Variants in AAGAB observed in about 807,000 individuals in gnomAD.
The protein encoded by AAGAB is alpha- and gamma-adaptin-binding protein p34.
A neutral mutation model predicts 44.1 loss-of-function variants in AAGAB; 38 were observed. The ratio of observed to expected loss-of-function variants is 0.86; its 90% CI spans 0.67 to 1.13. The LOEUF (loss-of-function observed/expected upper bound fraction) is 1.13. Ranked by LOEUF, AAGAB falls within the 50% of genes most tolerant of loss-of-function variation. AAGAB has a pLI of 0.00. For missense variants in AAGAB, 450 were observed against 373.8 expected (o/e 1.20, Z -1.68); for synonymous variants, 131 against 131.8 (o/e 0.99, Z 0.04).
At chr15:67,210,511 G>A (rs1041169907) in intron 5 of AAGAB, among the ~76,000 whole-genome samples, 14 of 147,572 alleles carry the variant, frequency 9.5e-5, no homozygotes, top group African/African-American at 2.5e-4. Flanking sequence ...GTGAGGCTCC[G>A]TCTCAAAAAA....
intron 5 of AAGAB, among the ~76,000 whole-genome samples, chr15:67,230,384 G>T (rs1964308079): frequency 1.3e-5 from 2 of 152,112 alleles, no homozygotes; most frequent in African/African-American, 2.4e-5. Context: ...TTAAGATGAG[G>T]TCATACTGCA....
At chr15:67,254,982 C>T, upstream of AAGAB, 2 of 1,599,454 alleles carry the variant, frequency 1.3e-6, no homozygotes, top group Non-Finnish European at 1.7e-6. Flanking sequence ...CTGCCCTGCC[C>T]AGCCGCGCCA....
At chr15:67,204,006 CAACATGGG>C in intron 8 of AAGAB, 30 bp downstream of exon 8, 1 of 1,271,308 alleles carries the variant, frequency 7.9e-7, no homozygotes, top group Non-Finnish European at 1.1e-6. Flanking sequence ...AGACAAGCAT[CAACATGGG>C]AACATATTAG....
chr15:67,228,564 G>A (rs8032898), intron 5 of AAGAB, among the ~76,000 whole-genome samples: 68,420 of 152,062 alleles, frequency 0.45, 15,885 homozygotes, highest in Non-Finnish European at 0.52. Flanking sequence ...AAAGCAGTTT[G>A]GAGACTTCTC....
At chr15:67,217,026 A>G (rs1366206223) in intron 5 of AAGAB, among the ~76,000 whole-genome samples, 1 of 151,864 alleles carries the variant, frequency 6.6e-6, no homozygotes, top group Non-Finnish European at 1.5e-5. Context: ...TTACAAGACA[A>G]TCTCCTCCAT....
intron 4 of AAGAB, among the ~76,000 whole-genome samples, chr15:67,234,915 A>G (rs1256197204): frequency 6.6e-6 from 1 of 152,250 alleles, no homozygotes; most frequent in Non-Finnish European, 1.5e-5. Flanking sequence ...CTTCTTCTCC[A>G]GCAGGTTTTA....
chr15:67,252,210 C>T (rs569077785), intron 1 of AAGAB, among the ~76,000 whole-genome samples: 1 of 152,248 alleles, frequency 6.6e-6, no homozygotes, highest in South Asian at 2.1e-4. Context: ...CCATGTTTGC[C>T]GATTGGGATC....
chr15:67,224,248 T>C (rs1964148511), intron 5 of AAGAB, among the ~76,000 whole-genome samples: 1 of 152,200 alleles, frequency 6.6e-6, no homozygotes, highest in Non-Finnish European at 1.5e-5. Flanking sequence ...TTTGTATGAA[T>C]GAATCAACAC....
intron 7 of AAGAB, among the ~76,000 whole-genome samples, chr15:67,205,094 T>C (rs1441305818): frequency 6.6e-6 from 1 of 152,242 alleles, no homozygotes; most frequent in Non-Finnish European, 1.5e-5. Context: ...AGGAAACTAA[T>C]GCCAACAGAG....
intron 1 of AAGAB, among the ~76,000 whole-genome samples, chr15:67,238,186 A>AT (rs1964514305): frequency 6.6e-6 from 1 of 152,200 alleles, no homozygotes; most frequent in South Asian, 2.1e-4. Context: ...AACTTTTAAA[A>AT]TTTTTTCACC....
At chr15:67,211,878 C>A (rs944487630) in intron 5 of AAGAB, among the ~76,000 whole-genome samples, 1 of 138,244 alleles carries the variant, frequency 7.2e-6, no homozygotes, top group Non-Finnish European at 1.6e-5. Context: ...ATTTGAAATG[C>A]CTAATTCTTT....
In AAGAB at chr15:67,251,445, T is replaced by C. The variant is rs183530450; in HGVS notation, c.73+3114A>G. 5.9e-3 allele frequency among the ~76,000 whole-genome samples: 902 copies of C among 152,212 alleles called. 10 individuals carry two copies. Among genetic ancestry groups the C allele is most frequent in the African/African-American group, 0.021 (868 of 41,512 alleles). ...ATTTTTATTTTTATTTTGTAGAGACTAGGTCTCCCTATGTTGCCCAGGCTG... is the reference window on the plus strand; with the variant it reads ...ATTTTTATTTTTATTTTGTAGAGACCAGGTCTCCCTATGTTGCCCAGGCTG... On this transcript the variant is annotated intron_variant, in intron 1 of 9. Transcript: ENST00000261880.
At chr15:67,215,754 G>A (rs1181980072) in intron 5 of AAGAB, among the ~76,000 whole-genome samples, 2 of 152,106 alleles carry the variant, frequency 1.3e-5, no homozygotes, top group Non-Finnish European at 2.9e-5. Flanking sequence ...TAGCATCAGA[G>A]AAATAAACTT....
At chr15:67,223,478 A>C (rs1342707021) in intron 5 of AAGAB, among the ~76,000 whole-genome samples, 1 of 152,104 alleles carries the variant, frequency 6.6e-6, no homozygotes, top group Non-Finnish European at 1.5e-5. Flanking sequence ...CTCATATCTC[A>C]TATCTAAACT....
At chr15:67,234,086 CAAAAA>C (rs34634730) in intron 4 of AAGAB, among the ~76,000 whole-genome samples, 9 of 116,250 alleles carry the variant, frequency 7.7e-5, no homozygotes, top group African/African-American at 1.7e-4. Flanking sequence ...ACTAAAAATA[CAAAAA>C]AAAAAAAAAA....
chr15:67,231,793 C>T (rs1216984698), intron 5 of AAGAB, 21 bp downstream of exon 5: 1 of 1,581,738 alleles, frequency 6.3e-7, no homozygotes, highest in Non-Finnish European at 8.7e-7. Flanking sequence ...AAAAAAATGA[C>T]TTGAGTCCCA....
chr15:67,222,834 T>A (rs1249460534), intron 5 of AAGAB, among the ~76,000 whole-genome samples: 1 of 152,192 alleles, frequency 6.6e-6, no homozygotes, highest in Non-Finnish European at 1.5e-5. Flanking sequence ...CTCACCTATT[T>A]CTTTGCTCCC....
At chr15:67,232,560 GA>G in intron 4 of AAGAB, 1 of 404,922 alleles carries the variant, frequency 2.5e-6, no homozygotes, top group South Asian at 2.1e-5. Flanking sequence ...ACCTAAGAGA[GA>G]AATTCGGGAA....
In AAGAB at chr15:67,203,587, C is replaced by G; in HGVS notation, c.831G>C (p.Ala277=). 6.2e-7 allele frequency: 1 copy of G among 1,613,550 alleles called. No homozygotes were observed. Among genetic ancestry groups the G allele is most frequent in the Non-Finnish European group, 8.5e-7 (1 of 1,179,792 alleles). ...SKLKEMKDKA[A]TLPHEQRKVH... ...CTTTTCTTTGCTCATGAGGAAGCGT[C>G]GCAGCCTTGTCTAGGGGGAAAATAT... Residue 277 remains alanine, a synonymous_variant, in exon 9 of 10, where the codon GCG becomes GCC. Coordinates refer to ENST00000261880, the MANE Select transcript of AAGAB (RefSeq NM_024666.5).
Sources: gnomAD v4.1 joint callset for allele counts (sites outside exome capture counted in the v4.1 genomes callset) on GRCh38, gnomAD v4.1.1 for gene constraint, MANE v1.5 for transcripts, NCBI Gene and HGNC (gene_info 2026-07-23, HGNC 2026-07-21) for gene names.